The following EML4 variants were observed in gnomAD, a reference collection of about 807,000 sequenced individuals.
The protein encoded by EML4 is echinoderm microtubule-associated protein-like 4.
Under a neutral mutation model 129.0 loss-of-function variants are expected in EML4, and 72 were observed. That is an observed-to-expected ratio of 0.56 (90% CI 0.46 to 0.68). The LOEUF is 0.68. Ranked by LOEUF, EML4 falls within the 30% of genes least tolerant of loss-of-function variation. EML4 has a pLI of 0.00. For synonymous variants in EML4, 532 were observed against 405.0 expected (o/e 1.31, Z -3.77); for missense variants, 1,363 against 1,190.6 (o/e 1.14, Z -2.13).
chr2:42,259,984 C>A (rs1472645815), intron 3 of EML4, among the ~76,000 whole-genome samples: 1 of 151,778 alleles, frequency 6.6e-6, no homozygotes, highest in East Asian at 1.9e-4. Context: ...CCCACCTCGG[C>A]CTCCCAGAGT....
intron 8 of EML4, among the ~76,000 whole-genome samples, chr2:42,284,380 G>A (rs373514766): frequency 3.9e-5 from 6 of 152,160 alleles, no homozygotes; most frequent in East Asian, 1.9e-4. Context: ...AAAACAGTTC[G>A]TTAGCATGCC....
At position 42,331,938 on chromosome 2, in the gene EML4, A is replaced by G. The variant is rs1436150434; in HGVS notation, c.*1731A>G. On this transcript the variant is annotated 3_prime_UTR_variant, in exon 23 of 23. Transcript: ENST00000318522. Reference sequence around the variant, plus strand: ...CTTTCCTTTTGTTTACAACTGTTAAAAAACCTCAAAATAGTTCTCTTCAAA... The same window carrying G: ...CTTTCCTTTTGTTTACAACTGTTAAGAAACCTCAAAATAGTTCTCTTCAAA... 1.9e-5 allele frequency: 4 copies of G among 212,300 alleles called. No individual in the cohort carries two copies. Among genetic ancestry groups the G allele is most frequent in the Non-Finnish European group, 2.9e-5 (3 of 104,602 alleles). 13.2% of individuals were successfully genotyped at this position (212,300 alleles called of 1,614,324 possible).
chr2:42,234,099 C>G (rs1420603887), intron 1 of EML4, among the ~76,000 whole-genome samples: 1 of 152,234 alleles, frequency 6.6e-6, no homozygotes, highest in Non-Finnish European at 1.5e-5. Context: ...TGTATCCTGC[C>G]TGCTTTTGCC....
chr2:42,201,549 C>G (rs1218032851), intron 1 of EML4, among the ~76,000 whole-genome samples: 1 of 152,146 alleles, frequency 6.6e-6, no homozygotes, highest in Non-Finnish European at 1.5e-5. Context: ...TGCCTGCACT[C>G]TCATGTTCAT....
At position 42,270,388 on chromosome 2, in the gene EML4, A is replaced by G. The variant is rs530067329; in HGVS notation, c.667+5657A>G. Among the ~76,000 whole-genome samples, 6 of 152,306 alleles carry G rather than the reference A, an allele frequency of 3.9e-5. No individual in the cohort carries two copies. In the South Asian group the frequency reaches 1.2e-3, roughly 32 times the overall value. ...AGCCTGGGCAACATGGCAAAACCCC[A>G]TCTCTACCAAAAATACAAAAAATTA... is the stretch of plus-strand genomic sequence containing the variant. On this transcript the variant is annotated intron_variant, in intron 6 of 22. Coordinates refer to ENST00000318522, the MANE Select transcript of EML4 (RefSeq NM_019063.5).
At chr2:42,210,628 C>T (rs1424302942) in intron 1 of EML4, among the ~76,000 whole-genome samples, 1 of 152,150 alleles carries the variant, frequency 6.6e-6, no homozygotes, top group African/African-American at 2.4e-5. Context: ...TTCTTCTGTT[C>T]CCTTAGATAA....
chr2:42,171,515 G>T (rs1396074112), intron 1 of EML4, among the ~76,000 whole-genome samples: 1 of 152,128 alleles, frequency 6.6e-6, no homozygotes, highest in Non-Finnish European at 1.5e-5. Context: ...AGTTTATGAG[G>T]CAAGTGATAC....
chr2:42,289,596 C>T (rs187373278), intron 11 of EML4: 2 of 152,306 alleles, frequency 1.3e-5, no homozygotes, highest in Admixed American at 1.3e-4. Flanking sequence ...CCAGTTTCAT[C>T]CCTTAGTGAT....
chr2:42,312,286 G>A (rs1192323031), intron 17 of EML4, among the ~76,000 whole-genome samples: 1 of 151,634 alleles, frequency 6.6e-6, no homozygotes, highest in Admixed American at 6.6e-5. Context: ...CATCGTCCCT[G>A]CCAGGGCATT....
At chr2:42,195,470 C>T (rs1401494655) in intron 1 of EML4, among the ~76,000 whole-genome samples, 1 of 152,096 alleles carries the variant, frequency 6.6e-6, no homozygotes, top group East Asian at 1.9e-4. Context: ...AAATGTAGAT[C>T]TGACACTGTG....
intron 13 of EML4, among the ~76,000 whole-genome samples, chr2:42,299,576 A>G (rs980495323): frequency 8.5e-5 from 13 of 152,128 alleles, no homozygotes; most frequent in Admixed American, 5.9e-4. Context: ...GTAACCACCA[A>G]TTTCCTTTAG....
intron 20 of EML4, 42 bp downstream of exon 20, chr2:42,325,596 T>A (rs951032434): frequency 6.6e-6 from 1 of 150,888 alleles, no homozygotes; most frequent in South Asian, 1.3e-4. Flanking sequence ...TATGCTATGA[T>A]TATATTTATA....
chr2:42,306,484 C>CTTTT lies in EML4; in HGVS notation c.1967+1956_1967+1959dup, dbSNP rs375707062. On this transcript the variant is annotated intron_variant, in intron 17 of 22. Transcript: ENST00000318522. ...GTGTCTGATGACCTTGTGCTAAATC[C>CTTTT]TTTTTTTTTTTTTTTTTTTTTTTTT... 2.5e-4 allele frequency among the ~76,000 whole-genome samples: 19 copies of CTTTT among 74,604 alleles called. 1 individual carries two copies. Among genetic ancestry groups the CTTTT allele is most frequent in the Non-Finnish European group, 4.0e-4 (15 of 37,830 alleles). The allele number at this position is 74,604 out of a possible 152,430, so 48.9% of individuals were successfully genotyped here. A position where few individuals can be genotyped will look rare whatever the true frequency, so the allele number is the denominator to read the frequency against.
At position 42,286,261 on chromosome 2, in the gene EML4, T is replaced by G; in HGVS notation, c.1012-8T>G. On this transcript the variant is annotated splice_polypyrimidine_tract_variant and splice_region_variant and intron_variant, in intron 9 of 22. Transcript: ENST00000318522. ...GTCCAGTTGCTCTGCTGTCTTGTGT[T>G]TTTGCAGCCTCTACAACCCCACGTC... The G allele has an allele frequency of 6.3e-7, 1 of 1,576,676 alleles. No individual in the cohort carries two copies. The highest frequency in any genetic ancestry group is 8.7e-7 in the Non-Finnish European group (1 of 1,145,814).
Position 42,321,009 on chromosome 2 carries a change from G to A in EML4, c.2154+3485G>A, listed in dbSNP as rs376381962. ...TAAACACTTTATCTACCTAGAAATC[G>A]CCAAGAAAATAAATCCTGAAGTTAA... On this transcript the variant is annotated intron_variant, in intron 19 of 22. Transcript: ENST00000318522. Among the ~76,000 whole-genome samples, 286 of 152,158 alleles carry A rather than the reference G, an allele frequency of 1.9e-3. 2 individuals are homozygous for A. The highest frequency in any genetic ancestry group is 0.014 in the Middle Eastern group (4 of 292).
At chr2:42,300,103 C>A (rs1183617773) in intron 13 of EML4, among the ~76,000 whole-genome samples, 1 of 152,164 alleles carries the variant, frequency 6.6e-6, no homozygotes, top group Non-Finnish European at 1.5e-5. Flanking sequence ...TTTTTAAAAT[C>A]TATTCATCAG....
intron 11 of EML4, among the ~76,000 whole-genome samples, chr2:42,290,065 C>T (rs1667541164): frequency 6.6e-6 from 1 of 151,724 alleles, no homozygotes. Context: ...CCAGCCTGGG[C>T]GACAGAGCAA....
In EML4 at chr2:42,330,250, A is replaced by G. The variant is rs764664532; in HGVS notation, c.*43A>G. The stretch of plus-strand genomic sequence containing the variant: ...AACTCTTTTCCTTCAGCTGCATGTG[A>G]TTTTGTGATAAAGTTCAGGTAACAG... On this transcript the variant is annotated 3_prime_UTR_variant, in exon 23 of 23. Transcript: ENST00000318522. 79 of 1,563,384 alleles carry G rather than the reference A, an allele frequency of 5.1e-5. No individual in the cohort carries two copies. In the Admixed American group the frequency reaches 7.4e-4, roughly 15 times the overall value.
intron 11 of EML4, among the ~76,000 whole-genome samples, chr2:42,293,833 A>G (rs1014130799): frequency 6.6e-6 from 1 of 150,606 alleles, no homozygotes; most frequent in Admixed American, 6.6e-5. Flanking sequence ...CTGATCTTGA[A>G]CTCCTGACGT....
Sources: gnomAD v4.1 joint callset for allele counts (sites outside exome capture counted in the v4.1 genomes callset) on GRCh38, gnomAD v4.1.1 for gene constraint, MANE v1.5 for transcripts, NCBI Gene and HGNC (gene_info 2026-07-23, HGNC 2026-07-21) for gene names.